The following TRIM67 variants were observed in gnomAD, a reference collection of about 807,000 sequenced individuals.
TRIM67 encodes tripartite motif-containing protein 67.
Under a neutral mutation model 71.0 loss-of-function variants are expected in TRIM67, and 39 were observed. The observed-to-expected ratio is 0.55, with a 90% confidence interval of 0.43 to 0.72. TRIM67 has a LOEUF of 0.72. Ranked by LOEUF, TRIM67 falls within the 30% of genes least tolerant of loss-of-function variation. The pLI is 0.00. For synonymous variants in TRIM67, 481 were observed against 473.9 expected (o/e 1.01, Z -0.19); for missense variants, 973 against 1,079.2 (o/e 0.90, Z 1.38).
intron 1 of TRIM67, among the ~76,000 whole-genome samples, chr1:231,182,823 T>C (rs1682944013): frequency 6.6e-6 from 1 of 152,240 alleles, no homozygotes; most frequent in Non-Finnish European, 1.5e-5. Flanking sequence ...TGGCCCTCAC[T>C]GACTGCCTTG....
At position 231,162,229 on chromosome 1, in the gene TRIM67, A is replaced by G. The variant is rs1238682864; in HGVS notation, c.-741A>G. ...AGCTGGGAACCAGGGAAGCGGGTCAATCCCGGCCGCAGGGAGAAAGCCCCA... is the reference window on the plus strand; with the variant it reads ...AGCTGGGAACCAGGGAAGCGGGTCAGTCCCGGCCGCAGGGAGAAAGCCCCA... On this transcript the variant is annotated 5_prime_UTR_variant, in exon 1 of 10. Transcript: ENST00000366653. 2 of 152,312 alleles carry G rather than the reference A, an allele frequency of 1.3e-5. No homozygotes were observed. The highest frequency in any genetic ancestry group is 2.4e-5 in the African/African-American group (1 of 41,442). The allele number at this position is 152,312 out of a possible 1,614,324, so 9.4% of individuals were successfully genotyped here.
At position 231,216,141 on chromosome 1, in the gene TRIM67, C is replaced by A; in HGVS notation, c.*701C>A. ...CTTCCTCCATCCTTCATTTCTTCTCCCTCCCTCCTTCTCTTTCTCTCTTCT... is the reference window on the plus strand; with the variant it reads ...CTTCCTCCATCCTTCATTTCTTCTCACTCCCTCCTTCTCTTTCTCTCTTCT... On this transcript the variant is annotated 3_prime_UTR_variant, in exon 10 of 10. Coordinates refer to ENST00000366653, the MANE Select transcript of TRIM67 (RefSeq NM_001004342.5). 1 of 974,766 alleles carries A rather than the reference C, an allele frequency of 1.0e-6. No individual in the cohort carries two copies. The highest frequency in any genetic ancestry group is 1.2e-6 in the Non-Finnish European group (1 of 821,748). 60.4% of individuals were successfully genotyped at this position (974,766 alleles called of 1,614,324 possible).
At chr1:231,201,225 G>C (rs1205556230) in intron 4 of TRIM67, 133 bp from the exon 5 acceptor site, 1 of 886,440 alleles carries the variant, frequency 1.1e-6, no homozygotes, top group Non-Finnish European at 1.7e-6. Flanking sequence ...TTTAATCTCT[G>C]CCATGGCTCT....
At chr1:231,188,684 C>T (rs912696216) in intron 1 of TRIM67, among the ~76,000 whole-genome samples, 2 of 152,214 alleles carry the variant, frequency 1.3e-5, no homozygotes, top group African/African-American at 2.4e-5. Context: ...CTTCCCCTCT[C>T]GAGCCCATGC....
rs1277836380 is a variant in TRIM67, at chr1:231,209,720, G to A, written c.2123+470G>A. Among the ~76,000 whole-genome samples, 1 of 152,238 alleles carries A rather than the reference G, an allele frequency of 6.6e-6. No individual in the cohort carries two copies. The highest frequency in any genetic ancestry group is 2.4e-5 in the African/African-American group (1 of 41,468). The stretch of plus-strand genomic sequence containing the variant: ...TGGTCTCATGTGGGCTTGAGCCTCG[G>A]CAGGGCCGGGCCCTTGACAGGGCAG... On this transcript the variant is annotated intron_variant, in intron 8 of 9. Coordinates refer to ENST00000366653, the MANE Select transcript of TRIM67 (RefSeq NM_001004342.5). This position sits in a 1 kb window ranked among gnomAD's most constrained non-coding sequence, Gnocchi z 4.1.
intron 9 of TRIM67, among the ~76,000 whole-genome samples, chr1:231,214,316 T>C (rs143922657): frequency 1.9e-3 from 295 of 151,876 alleles, no homozygotes; most frequent in African/African-American, 7.0e-3. Context: ...AACACGGAGG[T>C]GCCATCCTTC....
At chr1:231,213,151 T>G (rs1208330326) in intron 8 of TRIM67, among the ~76,000 whole-genome samples, 1 of 152,172 alleles carries the variant, frequency 6.6e-6, no homozygotes, top group Non-Finnish European at 1.5e-5. Flanking sequence ...GCCAAGTCAG[T>G]TATTTTCTTT....
chr1:231,192,489 T>TA (rs963822209), intron 1 of TRIM67, among the ~76,000 whole-genome samples: 127 of 150,402 alleles, frequency 8.4e-4, no homozygotes, highest in African/African-American at 2.2e-3. Flanking sequence ...CTCCATCTCT[T>TA]AAAAAAAAAA....
rs1409660203 is a variant in TRIM67, at chr1:231,218,117, G to C, written c.*2677G>C. ...AACGACAGGTCCGTGCCACACACTT[G>C]TGTTTTTGAGGGATCAGAAAAGTGA... On this transcript the variant is annotated 3_prime_UTR_variant, in exon 10 of 10. Transcript: ENST00000366653. 9.6e-7 allele frequency: 1 copy of C among 1,046,772 alleles called. No homozygotes were observed. Among genetic ancestry groups the C allele is most frequent in the Non-Finnish European group, 1.2e-6 (1 of 863,334 alleles). 64.8% of individuals were successfully genotyped at this position (1,046,772 alleles called of 1,614,324 possible).
At chr1:231,194,300 T>C (rs1683310432) in intron 1 of TRIM67, among the ~76,000 whole-genome samples, 1 of 152,176 alleles carries the variant, frequency 6.6e-6, no homozygotes, top group African/African-American at 2.4e-5. Context: ...CCAGGGCCTG[T>C]GAATGATGCT....
intron 1 of TRIM67, among the ~76,000 whole-genome samples, chr1:231,175,785 C>T (rs1682732278): frequency 6.6e-6 from 1 of 152,252 alleles, no homozygotes; most frequent in South Asian, 2.1e-4. Context: ...GGAAAATTAT[C>T]TTCCACCAGG....
At position 231,217,520 on chromosome 1, in the gene TRIM67, T is replaced by A. The variant is rs181784672; in HGVS notation, c.*2080T>A. 9.9e-7 allele frequency: 1 copy of A among 1,006,018 alleles called. No individual in the cohort carries two copies. The highest frequency in any genetic ancestry group is 1.7e-5 in the African/African-American group (1 of 58,140). The allele number at this position is 1,006,018 out of a possible 1,614,324, so 62.3% of individuals were successfully genotyped here. A position where few individuals can be genotyped will look rare whatever the true frequency, so the allele number is the denominator to read the frequency against. On this transcript the variant is annotated 3_prime_UTR_variant, in exon 10 of 10. Coordinates refer to ENST00000366653, the MANE Select transcript of TRIM67 (RefSeq NM_001004342.5). ...GGAGACGATCCCTAAAGATTGAGGATGAAGAGGAGCCACCACTTTCCTGGG... is the reference window on the plus strand; with the variant it reads ...GGAGACGATCCCTAAAGATTGAGGAAGAAGAGGAGCCACCACTTTCCTGGG...
chr1:231,200,179 T>C lies in TRIM67; in HGVS notation c.1295T>C (p.Leu432Ser). 1.2e-6 allele frequency: 2 copies of C among 1,613,940 alleles called. No individual in the cohort carries two copies. The highest frequency in any genetic ancestry group is 1.7e-6 in the Non-Finnish European group (2 of 1,179,834). Residue 432 changes from leucine to serine, a missense_variant, in exon 4 of 10, where the codon TTG becomes TCG. Physicochemically the swap from Leu to Ser is moderately radical, Grantham distance 145 (BLOSUM62 -2). Around this residue, in one of 2 missense-constraint regions of TRIM67, gnomAD observed 795 missense variants for 831.3 expected, o/e 0.96. Coordinates refer to ENST00000366653, the MANE Select transcript of TRIM67 (RefSeq NM_001004342.5). ...TGGGACCAGATCAATCACTGCACAT[T>C]GAAGCTGCGTCAGTCCACCGGACTG... ...MVWDQINHCT[L>S]KLRQSTGLME...
At chr1:231,206,852 A>C (rs929153013) in intron 7 of TRIM67, 62 bp downstream of exon 7, 1 of 1,489,854 alleles carries the variant, frequency 6.7e-7, no homozygotes, top group South Asian at 1.3e-5. Flanking sequence ...TGACAACCAG[A>C]CAGCCACTTG....
In TRIM67 at chr1:231,198,293, G is replaced by A. The variant is rs372598631; in HGVS notation, c.1141-754G>A. On this transcript the variant is annotated intron_variant, in intron 2 of 9. Transcript: ENST00000366653. ...TCAGGGTCTGTCTATAGGGGAGAACGTGCACACACAGGTGCTCCTGTGTGA... is the reference window on the plus strand; with the variant it reads ...TCAGGGTCTGTCTATAGGGGAGAACATGCACACACAGGTGCTCCTGTGTGA... Among the ~76,000 whole-genome samples the A allele has an allele frequency of 7.9e-5, 12 of 152,278 alleles. No individual in the cohort carries two copies. The East Asian group carries it at 1.2e-3, about 15-fold the overall frequency.
rs79077481 is a variant in TRIM67 at position 231,192,659 on chromosome 1, C to T, written c.1045-4712C>T. Among the ~76,000 whole-genome samples the T allele has an allele frequency of 1.8e-4, 28 of 152,362 alleles. No homozygotes were observed. The East Asian group carries it at 5.2e-3, about 28-fold the overall frequency. On this transcript the variant is annotated intron_variant, in intron 1 of 9. Coordinates refer to ENST00000366653, the MANE Select transcript of TRIM67 (RefSeq NM_001004342.5). Reference sequence around the variant, plus strand: ...AAGGACCAGTGTGTGCTTATGAGGACATCCCTCGACAGCGGCTAGCCCTCA... The same window carrying T: ...AAGGACCAGTGTGTGCTTATGAGGATATCCCTCGACAGCGGCTAGCCCTCA...
rs1273960689 is a variant in TRIM67 at position 231,220,691 on chromosome 1, T to G, written c.*5251T>G. The G allele has an allele frequency of 1.3e-5, 2 of 152,258 alleles. No homozygotes were observed. The highest frequency in any genetic ancestry group is 2.9e-5 in the Non-Finnish European group (2 of 68,096). 9.4% of individuals were successfully genotyped at this position (152,258 alleles called of 1,614,324 possible). A position where few individuals can be genotyped will look rare whatever the true frequency, so the allele number is the denominator to read the frequency against. On this transcript the variant is annotated 3_prime_UTR_variant, in exon 10 of 10. Coordinates refer to ENST00000366653, the MANE Select transcript of TRIM67 (RefSeq NM_001004342.5). Reference sequence around the variant, plus strand: ...GCTTCACCAGCACGAGCTATGCAGGTTGGGGGAGGCCCTGGCTTTTTCAAT... The same window carrying G: ...GCTTCACCAGCACGAGCTATGCAGGGTGGGGGAGGCCCTGGCTTTTTCAAT...
At chr1:231,184,989 T>C in intron 1 of TRIM67, 1 of 1,528,966 alleles carries the variant, frequency 6.5e-7, no homozygotes, top group Non-Finnish European at 8.7e-7. Context: ...TGCTCCTGAA[T>C]GGGTGGCCGG....
chr1:231,214,092 C>A, intron 9 of TRIM67, 115 bp downstream of exon 9: 1 of 1,265,524 alleles, frequency 7.9e-7, no homozygotes, highest in Non-Finnish European at 1.1e-6. Flanking sequence ...AGAGCCTTCC[C>A]AGACAGAGCT....
Sources: allele counts gnomAD v4.1 joint callset (sites outside exome capture counted in the v4.1 genomes callset), GRCh38; gene constraint gnomAD v4.1.1; regional missense constraint gnomAD v4.1.1; non-coding constraint Gnocchi (gnomAD v3.1); transcripts MANE v1.5; gene names NCBI Gene and HGNC (gene_info 2026-07-23, HGNC 2026-07-21).